PLXND1: variants seen among roughly 807,000 people sequenced by gnomAD.
The protein encoded by PLXND1 is plexin-D1.
A neutral mutation model predicts 197.7 loss-of-function variants in PLXND1; 54 were observed. That is an observed-to-expected ratio of 0.27 (90% CI 0.22 to 0.34). The LOEUF (loss-of-function observed/expected upper bound fraction) is 0.34. PLXND1 is among the 10% of genes least tolerant of loss of function. The probability of loss-of-function intolerance (pLI) is 1.00; values close to 1 mark genes in which losing one functional copy is unlikely to be tolerated. For missense variants in PLXND1, 2,127 were observed against 2,699.2 expected, an observed-to-expected ratio of 0.79 and a Z score of 4.70; for synonymous variants, 1,180 against 1,161.2, an observed-to-expected ratio of 1.02 and a Z score of -0.33.
chr3:129,580,990 C>T (rs2085379769), intron 8 of PLXND1, among the ~76,000 whole-genome samples: 1 of 152,134 alleles, frequency 6.6e-6, no homozygotes, highest in African/African-American at 2.4e-5. Flanking sequence ...ATCCACCTTC[C>T]TCCCAGCCTC....
At chr3:129,563,596 C>G (rs1469898502) in intron 25 of PLXND1, among the ~76,000 whole-genome samples, 1 of 152,240 alleles carries the variant, frequency 6.6e-6, no homozygotes, top group Non-Finnish European at 1.5e-5. Context: ...CGGCTGACTC[C>G]CAAGCCTGTG....
intron 20 of PLXND1, 151 bp from the exon 21 acceptor site, chr3:129,567,956 G>T: frequency 4.3e-6 from 1 of 231,886 alleles, no homozygotes; most frequent in Non-Finnish European, 8.6e-6. Context: ...GTTGGGGTGG[G>T]GGGTGGGGAG....
chr3:129,594,285 C>T (rs2085588770), intron 1 of PLXND1, among the ~76,000 whole-genome samples: 1 of 152,148 alleles, frequency 6.6e-6, no homozygotes. Flanking sequence ...TGAAATTTGC[C>T]ACAGAGCTGA....
intron 4 of PLXND1, 37 bp downstream of exon 4, chr3:129,586,135 C>G: frequency 6.2e-7 from 1 of 1,611,622 alleles, no homozygotes; most frequent in East Asian, 2.2e-5. Context: ...ACCCCCACAG[C>G]CCTCCTGGTC....
At position 129,556,199 on chromosome 3, in the gene PLXND1, G is replaced by A. The variant is rs746384299; in HGVS notation, c.*113C>T. The A allele has an allele frequency of 6.9e-5, 54 of 783,932 alleles. No individual in the cohort carries two copies. The highest frequency in any genetic ancestry group is 9.8e-5 in the Non-Finnish European group (45 of 458,660). 48.6% of individuals were successfully genotyped at this position (783,932 alleles called of 1,614,324 possible). A position where few individuals can be genotyped will look rare whatever the true frequency, so the allele number is the denominator to read the frequency against. ...CCCTCCTCCTGCCCCCGCCCCAGCC[G>A]TCTCTGCTCAGTATTTCCCAGTCTG... On this transcript the variant is annotated 3_prime_UTR_variant, in exon 36 of 36. Transcript: ENST00000324093.
chr3:129,564,518 C>G (rs1343827104), intron 25 of PLXND1, among the ~76,000 whole-genome samples: 1 of 152,230 alleles, frequency 6.6e-6, no homozygotes, highest in African/African-American at 2.4e-5. Context: ...CATCCGAGGC[C>G]CCGGTTCTGG....
At chr3:129,580,971 G>A (rs554263517) in intron 8 of PLXND1, among the ~76,000 whole-genome samples, 2 of 152,074 alleles carry the variant, frequency 1.3e-5, no homozygotes, top group East Asian at 1.9e-4. Context: ...ACCTGCAAAC[G>A]GGGCACACAT....
Position 129,567,482 on chromosome 3 carries a change from T to G in PLXND1, c.4086+10A>C, listed in dbSNP as rs1217107060. 6.5e-7 allele frequency: 1 copy of G among 1,534,138 alleles called. No homozygotes were observed. The highest frequency in any genetic ancestry group is 9.0e-7 in the Non-Finnish European group (1 of 1,116,872). On this transcript the variant is annotated intron_variant, in intron 22 of 35. Coordinates refer to ENST00000324093, the MANE Select transcript of PLXND1 (RefSeq NM_015103.3). The stretch of plus-strand genomic sequence containing the variant: ...GCACAGGTTCAGGGCAGGCTCAGGC[T>G]CGGGCTGACCTTGGGGAAGAAGGTG...
rs755829115 is a variant in PLXND1 at position 129,571,768 on chromosome 3, C to G, written c.3154G>C (p.Glu1052Gln). The change falls in exon 16 of 36, where the codon GAG (glutamate) becomes CAG (glutamine). Residue 1052 changes from glutamate to glutamine, a missense_variant. Around this residue, in one of 6 missense-constraint regions of PLXND1, gnomAD observed 1,095 missense variants for 1,259.8 expected, o/e 0.87. Transcript: ENST00000324093. ...PAPVPVCVRFERRGCVHGNLT... is the reference protein window; with the variant it reads ...PAPVPVCVRFQRRGCVHGNLT... ...TTGCCGTGCACGCAGCCCCGACGCTCGAAGCGCACACACACAGGCACCGGA... is the reference window on the plus strand; with the variant it reads ...TTGCCGTGCACGCAGCCCCGACGCTGGAAGCGCACACACACAGGCACCGGA... The G allele has an allele frequency of 4.1e-5, 66 of 1,613,214 alleles. No individual in the cohort carries two copies. In the Admixed American group the frequency reaches 1.1e-3, roughly 26 times the overall value.
Position 129,571,435 on chromosome 3 carries a change from G to A in PLXND1, c.3336+74C>T, listed in dbSNP as rs564701535. 8 of 1,527,126 alleles carry A rather than the reference G, an allele frequency of 5.2e-6. No individual in the cohort carries two copies. In the South Asian group the frequency reaches 9.1e-5, roughly 17 times the overall value. The allele number at this position is 1,527,126 out of a possible 1,614,324, so 94.6% of individuals were successfully genotyped here. A position where few individuals can be genotyped will look rare whatever the true frequency, so the allele number is the denominator to read the frequency against. ...AGAGGGGACAGAGATGCAGTGGGAG[G>A]AGGCCTGGTCAGTTAGGGCCCTGGC... On this transcript the variant is annotated intron_variant, in intron 17 of 35. Transcript: ENST00000324093.
chr3:129,572,083 G>A (rs889048194), intron 15 of PLXND1, among the ~76,000 whole-genome samples: 1 of 151,180 alleles, frequency 6.6e-6, no homozygotes, highest in African/African-American at 2.4e-5. Flanking sequence ...CTCCAACCCT[G>A]GTGAAGTCTC....
chr3:129,584,032 T>A, intron 7 of PLXND1, 93 bp downstream of exon 7: 1 of 785,422 alleles, frequency 1.3e-6, no homozygotes, highest in East Asian at 2.7e-5. Context: ...GATGCTATGA[T>A]TTTTCTTCTC....
Position 129,561,721 on chromosome 3 carries a change from G to A in PLXND1, c.4930-12C>T. The A allele has an allele frequency of 6.3e-7, 1 of 1,598,410 alleles. No individual in the cohort carries two copies. The highest frequency in any genetic ancestry group is 2.2e-5 in the East Asian group (1 of 44,454). On this transcript the variant is annotated splice_polypyrimidine_tract_variant and intron_variant, in intron 28 of 35. Transcript: ENST00000324093. The stretch of plus-strand genomic sequence containing the variant: ...GCACCTTCAGGGATCTGATGGGAGG[G>A]GAGAGGCCGAGGTCAGAGGCCGGAG...
rs771566843 is a variant in PLXND1 at position 129,584,420 on chromosome 3, G to A, written c.1994C>T (p.Pro665Leu). ...GGGGAAGGGCGGAAACTGGTCCCTC[G>A]GCAGGAGGTTGCAGTAGGCAATCTG... ...GHQIAYCNLL[P>L]RDQFPPFPPN... Residue 665 changes from proline to leucine, a missense_variant, in exon 6 of 36, where the codon CCG (proline) becomes CTG (leucine). Pro to Leu is a moderately conservative substitution (Grantham distance 98, BLOSUM62 -3). This residue lies in a region of PLXND1 where 1,095 missense variants were observed against 1,259.8 expected (regional missense o/e 0.87). Coordinates refer to ENST00000324093, the MANE Select transcript of PLXND1 (RefSeq NM_015103.3). 19 of 1,613,388 alleles carry A rather than the reference G, an allele frequency of 1.2e-5. No homozygotes were observed. The highest frequency in any genetic ancestry group is 1.6e-4 in the Middle Eastern group (1 of 6,082).
At position 129,576,367 on chromosome 3, in the gene PLXND1, C is replaced by T. The variant is rs2085314721; in HGVS notation, c.2347-512G>A. On this transcript the variant is annotated intron_variant, in intron 9 of 35. Coordinates refer to ENST00000324093, the MANE Select transcript of PLXND1 (RefSeq NM_015103.3). Reference sequence around the variant, plus strand: ...AGCCTTCAGGATCCAGCTTAAAAGCCCCCTGTTCTGAAGCCTTCCCAGATG... The same window carrying T: ...AGCCTTCAGGATCCAGCTTAAAAGCTCCCTGTTCTGAAGCCTTCCCAGATG... 2.0e-5 allele frequency among the ~76,000 whole-genome samples: 3 copies of T among 152,342 alleles called. No homozygotes were observed. The South Asian group carries it at 6.2e-4, about 32-fold the overall frequency.
chr3:129,578,254 T>C, intron 9 of PLXND1, 75 bp downstream of exon 9: 1 of 868,068 alleles, frequency 1.2e-6, no homozygotes, highest in Non-Finnish European at 1.9e-6. Context: ...CACCAGGACA[T>C]GGGGGCAGTT....
rs988264137 is a variant in PLXND1 at position 129,586,185 on chromosome 3, C to A, written c.1708G>T (p.Ala570Ser). 2.5e-6 allele frequency: 4 copies of A among 1,605,802 alleles called. No homozygotes were observed. The highest frequency in any genetic ancestry group is 3.4e-5 in the Admixed American group (2 of 59,658). Residue 570 changes from alanine (A) to serine (S), a missense_variant, in exon 4 of 36, where the codon GCC becomes TCC. Ala to Ser is a moderately conservative substitution (Grantham distance 99). This residue lies in a region of PLXND1 where 1,095 missense variants were observed against 1,259.8 expected (regional missense o/e 0.87). Transcript: ENST00000324093. Reference sequence around the variant, plus strand: ...GTCCAGCCTCACCGCGTCTCCAGGGCACACCAGCCGCAGTAGGCGTCCGCC... The same window carrying A: ...GTCCAGCCTCACCGCGTCTCCAGGGAACACCAGCCGCAGTAGGCGTCCGCC... ...GAADAYCGWC[A>S]LETRCTLQQD...
intron 5 of PLXND1, among the ~76,000 whole-genome samples, chr3:129,585,138 C>T (rs930789961): frequency 6.6e-6 from 1 of 152,212 alleles, no homozygotes; most frequent in African/African-American, 2.4e-5. Context: ...GCACATAGTA[C>T]GTGTTCCATA....
At chr3:129,560,477 C>A (rs1162981989) in intron 30 of PLXND1, 43 bp from the exon 31 acceptor site, 4 of 1,362,190 alleles carry the variant, frequency 2.9e-6, no homozygotes, top group Non-Finnish European at 4.2e-6. Flanking sequence ...CAGGCCCCAT[C>A]CTCGGCCGCC....
Sources: allele counts gnomAD v4.1 joint callset (sites outside exome capture counted in the v4.1 genomes callset), GRCh38; gene constraint gnomAD v4.1.1; regional missense constraint gnomAD v4.1.1; transcripts MANE v1.5; gene names NCBI Gene and HGNC (gene_info 2026-07-23, HGNC 2026-07-21).